Variants in FHIT observed in about 807,000 individuals in gnomAD.
The protein encoded by FHIT is bis(5'-adenosyl)-triphosphatase.
Under a neutral mutation model 17.9 loss-of-function variants are expected in FHIT, and 19 were observed. That is an observed-to-expected ratio of 1.06 (90% CI 0.74 to 1.56). FHIT has a LOEUF of 1.56. FHIT is among the 40% of genes most tolerant of loss of function. FHIT has a pLI of 0.00. For missense variants in FHIT, 248 were observed against 189.2 expected (o/e 1.31, Z -1.82); for synonymous variants, 81 against 69.7 (o/e 1.16, Z -0.81).
chr3:61,121,049 A>G (rs905140933), intron 2 of FHIT, among the ~76,000 whole-genome samples: 15 of 151,970 alleles, frequency 9.9e-5, no homozygotes, highest in Non-Finnish European at 1.8e-4. Flanking sequence ...TAGAGAAAAA[A>G]GAATGAAAAG....
chr3:59,969,999 C>A (rs1029161878), intron 7 of FHIT, among the ~76,000 whole-genome samples: 2 of 152,054 alleles, frequency 1.3e-5, no homozygotes. Context: ...TTTCTTTTCA[C>A]CCCACCCAGA....
chr3:60,672,833 T>A (rs1044527908), intron 4 of FHIT, among the ~76,000 whole-genome samples: 2 of 151,710 alleles, frequency 1.3e-5, no homozygotes, highest in Admixed American at 6.6e-5. Context: ...AGTTTCCATC[T>A]TTATACCACT....
intron 3 of FHIT, among the ~76,000 whole-genome samples, chr3:60,974,044 A>T (rs1343164164): frequency 6.6e-6 from 1 of 152,150 alleles, no homozygotes. Context: ...CACACAATTC[A>T]TAGGCTCAGA....
intron 8 of FHIT, among the ~76,000 whole-genome samples, chr3:59,806,539 G>C (rs1485007612): frequency 6.6e-6 from 1 of 151,932 alleles, no homozygotes. Flanking sequence ...GGAGAATTTT[G>C]CCTGCTTGAC....
chr3:60,054,867 A>G (rs749391042), intron 5 of FHIT, among the ~76,000 whole-genome samples: 1 of 152,160 alleles, frequency 6.6e-6, no homozygotes, highest in Non-Finnish European at 1.5e-5. Flanking sequence ...ATAGCATTTC[A>G]TCACTATCAC....
chr3:60,858,383 G>A (rs771581248), intron 3 of FHIT, among the ~76,000 whole-genome samples: 2 of 152,146 alleles, frequency 1.3e-5, no homozygotes, highest in African/African-American at 4.8e-5. Flanking sequence ...AGCAGAGGCC[G>A]ATAATGAAGG....
chr3:59,802,289 C>T (rs998099841), intron 8 of FHIT, among the ~76,000 whole-genome samples: 2 of 152,158 alleles, frequency 1.3e-5, no homozygotes, highest in Non-Finnish European at 2.9e-5. Flanking sequence ...TGCTCTAGTT[C>T]CCAACAGTTT....
intron 5 of FHIT, among the ~76,000 whole-genome samples, chr3:60,135,565 G>A (rs927911636): frequency 1.3e-5 from 2 of 152,050 alleles, no homozygotes. Context: ...TTCAACATTT[G>A]TTGAGAGGAG....
intron 8 of FHIT, among the ~76,000 whole-genome samples, chr3:59,781,252 A>G (rs1702570636): frequency 6.6e-6 from 1 of 152,192 alleles, no homozygotes; most frequent in Non-Finnish European, 1.5e-5. Flanking sequence ...TATCCTTAGC[A>G]AATAAGAGCA....
At chr3:60,570,545 C>T (rs1390178110) in intron 4 of FHIT, among the ~76,000 whole-genome samples, 1 of 151,982 alleles carries the variant, frequency 6.6e-6, no homozygotes, top group Non-Finnish European at 1.5e-5. Flanking sequence ...GTTAGCCTTA[C>T]AGGATGCCAC....
At chr3:60,899,605 A>G (rs1028347211) in intron 3 of FHIT, among the ~76,000 whole-genome samples, 1 of 152,194 alleles carries the variant, frequency 6.6e-6, no homozygotes. Context: ...GCCGGGGTTC[A>G]TGGAGCTCTT....
rs554140513 is a variant in FHIT at position 60,517,201 on chromosome 3, T to G, written c.103+19659A>C. ...GTTAAGTTAAATATATTTTTACCTGTGCAAATTTTTATCTATTTCATTTTT... is the reference window on the plus strand; with the variant it reads ...GTTAAGTTAAATATATTTTTACCTGGGCAAATTTTTATCTATTTCATTTTT... On this transcript the variant is annotated intron_variant, in intron 5 of 9. Transcript: ENST00000492590. 6.6e-4 allele frequency among the ~76,000 whole-genome samples: 101 copies of G among 152,340 alleles called. 1 individual carries two copies. Among genetic ancestry groups the G allele is most frequent in the Non-Finnish European group, 8.5e-4 (58 of 68,026 alleles).
intron 4 of FHIT, chr3:60,730,295 T>C (rs1340760343): frequency 7.6e-6 from 2 of 264,824 alleles, no homozygotes; most frequent in South Asian, 5.4e-5. Context: ...TCTGTTTCCA[T>C]GTCTTCTCTT....
At chr3:59,908,778 G>A (rs1340426527) in intron 8 of FHIT, among the ~76,000 whole-genome samples, 1 of 99,754 alleles carries the variant, frequency 1.0e-5, no homozygotes, top group Non-Finnish European at 2.4e-5. Context: ...CCTGGCCCAG[G>A]GCTGATGAGA....
At chr3:60,644,519 T>A (rs1194907389) in intron 4 of FHIT, among the ~76,000 whole-genome samples, 1 of 152,210 alleles carries the variant, frequency 6.6e-6, no homozygotes. Context: ...TGTTTAGAAA[T>A]AAGCATACAA....
chr3:60,859,987 T>A (rs1379963827), intron 3 of FHIT, among the ~76,000 whole-genome samples: 1 of 149,844 alleles, frequency 6.7e-6, no homozygotes, highest in Non-Finnish European at 1.5e-5. Flanking sequence ...GAGGTTCCAG[T>A]GAGCCGAGAT....
chr3:60,738,970 G>C (rs2042189284), intron 4 of FHIT, among the ~76,000 whole-genome samples: 2 of 152,182 alleles, frequency 1.3e-5, no homozygotes, highest in African/African-American at 4.8e-5. Flanking sequence ...AGGAGAAGAG[G>C]AGAAAAGCAG....
At chr3:60,616,505 T>G (rs2038955612) in intron 4 of FHIT, among the ~76,000 whole-genome samples, 1 of 152,138 alleles carries the variant, frequency 6.6e-6, no homozygotes, top group Admixed American at 6.5e-5. Context: ...GGGACAAAAG[T>G]TAATATACAA....
At chr3:60,537,792 T>C (rs1270154232) in intron 4 of FHIT, among the ~76,000 whole-genome samples, 1 of 152,154 alleles carries the variant, frequency 6.6e-6, no homozygotes, top group Non-Finnish European at 1.5e-5. Context: ...AGTTACTTTG[T>C]GAATGACTAA....
Sources: allele counts gnomAD v4.1 joint callset (sites outside exome capture counted in the v4.1 genomes callset), GRCh38; gene constraint gnomAD v4.1.1; transcripts MANE v1.5; gene names NCBI Gene and HGNC (gene_info 2026-07-23, HGNC 2026-07-21).